Variants in PACSIN2 observed in about 807,000 individuals in gnomAD.
The protein encoded by PACSIN2 is protein kinase C and casein kinase substrate in neurons 2.
A neutral mutation model predicts 63.8 loss-of-function variants in PACSIN2; 25 were observed. The ratio of observed to expected loss-of-function variants is 0.39; its 90% CI spans 0.29 to 0.55. The LOEUF is 0.55. Among genes scored for constraint, PACSIN2 ranks in the 20% least tolerant of loss-of-function variants. PACSIN2 has a pLI of 0.62. For missense variants in PACSIN2, 518 were observed against 646.9 expected (o/e 0.80, Z 2.16); for synonymous variants, 255 against 256.2 (o/e 1.00, Z 0.05).
chr22:42,998,128 G>C (rs1229444995), intron 1 of PACSIN2, among the ~76,000 whole-genome samples: 1 of 152,182 alleles, frequency 6.6e-6, no homozygotes, highest in Non-Finnish European at 1.5e-5. Flanking sequence ...GCCAACCCCA[G>C]GTTAAGGAGG....
intron 1 of PACSIN2, among the ~76,000 whole-genome samples, chr22:42,987,350 T>C (rs1393218891): frequency 6.6e-6 from 1 of 151,146 alleles, no homozygotes; most frequent in African/African-American, 2.4e-5. Flanking sequence ...CTCCAGCCCC[T>C]AGATAAGATG....
intron 1 of PACSIN2, 108 bp from the exon 2 acceptor site, chr22:42,912,265 G>C (rs1209521650): frequency 7.4e-5 from 41 of 552,920 alleles, no homozygotes; most frequent in South Asian, 5.9e-4. Flanking sequence ...TTCAGTACAG[G>C]GCGGTCTATA....
chr22:42,897,256 T>G (rs1930355899), intron 2 of PACSIN2, among the ~76,000 whole-genome samples: 1 of 152,218 alleles, frequency 6.6e-6, no homozygotes, highest in Non-Finnish European at 1.5e-5. Flanking sequence ...TTTAATATAT[T>G]TTTTAAAAAA....
At chr22:42,905,257 A>C (rs1318155940) in intron 2 of PACSIN2, among the ~76,000 whole-genome samples, 3 of 152,272 alleles carry the variant, frequency 2.0e-5, no homozygotes, top group African/African-American at 7.2e-5. Flanking sequence ...GTCTGTCTGC[A>C]CAACAGAAGG....
At chr22:42,910,289 C>T (rs1931360919) in intron 2 of PACSIN2, among the ~76,000 whole-genome samples, 1 of 152,096 alleles carries the variant, frequency 6.6e-6, no homozygotes, top group Admixed American at 6.5e-5. Flanking sequence ...ACTACAGTTA[C>T]AAAAAAGAGG....
chr22:42,987,984 T>C (rs186826246), intron 1 of PACSIN2, among the ~76,000 whole-genome samples: 16 of 152,060 alleles, frequency 1.1e-4, no homozygotes, highest in Non-Finnish European at 1.9e-4. Context: ...CTACTAAAGA[T>C]ACAAAAATTA....
chr22:42,907,436 T>C (rs910954822), intron 2 of PACSIN2, among the ~76,000 whole-genome samples: 2 of 152,176 alleles, frequency 1.3e-5, no homozygotes, highest in African/African-American at 4.8e-5. Context: ...TTTAGAAACT[T>C]TAGTGAAACT....
chr22:42,976,259 A>C (rs2146876891), intron 1 of PACSIN2, among the ~76,000 whole-genome samples: 1 of 152,284 alleles, frequency 6.6e-6, no homozygotes, highest in Non-Finnish European at 1.5e-5. Flanking sequence ...CAGGCTTATC[A>C]CTTTAACGAT....
chr22:42,997,175 A>C (rs1452092728), intron 1 of PACSIN2, among the ~76,000 whole-genome samples: 1 of 152,208 alleles, frequency 6.6e-6, no homozygotes, highest in Non-Finnish European at 1.5e-5. Context: ...CCAGAATGTA[A>C]GATCATGGAC....
chr22:42,942,857 G>C (rs1283554843), intron 1 of PACSIN2, among the ~76,000 whole-genome samples: 1 of 152,038 alleles, frequency 6.6e-6, no homozygotes. Flanking sequence ...CTCCAACTTT[G>C]TTCTCTGACT....
At chr22:43,003,074 C>T (rs1318736260) in intron 1 of PACSIN2, among the ~76,000 whole-genome samples, 1 of 152,176 alleles carries the variant, frequency 6.6e-6, no homozygotes, top group Non-Finnish European at 1.5e-5. Context: ...GAAGTGTTGC[C>T]TTGAGGCAGG....
intron 4 of PACSIN2, among the ~76,000 whole-genome samples, chr22:42,890,588 T>C (rs1036597414): frequency 3.9e-5 from 6 of 152,072 alleles, no homozygotes; most frequent in African/African-American, 1.4e-4. Context: ...TGTGGTGGCA[T>C]GTGCCGGTAG....
chr22:42,981,315 C>G (rs1922097274), intron 1 of PACSIN2, among the ~76,000 whole-genome samples: 1 of 141,754 alleles, frequency 7.1e-6, no homozygotes, highest in Admixed American at 6.8e-5. Context: ...AAGTGAGGAG[C>G]GTCTCCGCCC....
At position 42,879,144 on chromosome 22, in the gene PACSIN2, G is replaced by A. The variant is rs375617635; in HGVS notation, c.932C>T (p.Thr311Ile). 2 of 1,613,992 alleles carry A rather than the reference G, an allele frequency of 1.2e-6. No individual in the cohort carries two copies. The highest frequency in any genetic ancestry group is 1.7e-6 in the Non-Finnish European group (2 of 1,179,938). Residue 311 changes from threonine to isoleucine, a missense_variant, in exon 8 of 11, where the codon ACC becomes ATC. This residue lies in a region of PACSIN2 where 507 missense variants were observed against 612.3 expected (regional missense o/e 0.83). Coordinates refer to ENST00000263246, the MANE Select transcript of PACSIN2 (RefSeq NM_001184970.3). ...CTTCTTCTTCTCTCTCCGGCTGAGG[G>A]TTCGATTCAGGTCTGCGGACCACTC... ...FEEWSADLNR[T>I]LSRREKKKAT...
chr22:43,010,385 C>CAT (rs1253098949), intron 1 of PACSIN2, among the ~76,000 whole-genome samples: 3,313 of 66,104 alleles, frequency 0.05, 173 homozygotes, highest in African/African-American at 0.18. Context: ...TTTAAAAATA[C>CAT]ATATATATAT....
chr22:42,996,837 T>A (rs143920193), intron 1 of PACSIN2, among the ~76,000 whole-genome samples: 1 of 152,284 alleles, frequency 6.6e-6, no homozygotes, highest in Non-Finnish European at 1.5e-5. Flanking sequence ...AAACCACACA[T>A]CACATTTCCT....
chr22:43,006,230 T>G (rs1373304257), intron 1 of PACSIN2, among the ~76,000 whole-genome samples: 2 of 152,222 alleles, frequency 1.3e-5, no homozygotes, highest in Non-Finnish European at 2.9e-5. Flanking sequence ...GATCTCAGAC[T>G]TGCAGCCTAC....
intron 1 of PACSIN2, among the ~76,000 whole-genome samples, chr22:42,952,636 C>T (rs886234562): frequency 2.7e-5 from 4 of 150,258 alleles, no homozygotes; most frequent in Admixed American, 6.6e-5. Context: ...GGATTATAGA[C>T]GTTGAGCCAC....
In PACSIN2 at chr22:42,907,259, A is replaced by T. The variant is rs1203805407; in HGVS notation, c.60+4762T>A. 2.0e-5 allele frequency among the ~76,000 whole-genome samples: 3 copies of T among 152,240 alleles called. No individual in the cohort carries two copies. In the East Asian group the frequency reaches 5.8e-4, roughly 29 times the overall value. On this transcript the variant is annotated intron_variant, in intron 2 of 10. Transcript: ENST00000263246. ...GCTAAAGAGTATGCTTCTATTTTGA[A>T]GGTGATGCAGAAAACTGAAGCTTCC...
Sources: gnomAD v4.1 joint callset for allele counts (sites outside exome capture counted in the v4.1 genomes callset) on GRCh38, gnomAD v4.1.1 for gene constraint, gnomAD v4.1.1 regional missense constraint, MANE v1.5 for transcripts, NCBI Gene and HGNC (gene_info 2026-07-23, HGNC 2026-07-21) for gene names.